SESN2: variants seen among roughly 807,000 people sequenced by gnomAD.
SESN2 encodes sestrin 2.
SESN2 carries 42 observed loss-of-function variants against 56.0 expected under a neutral mutation model. The observed-to-expected ratio is 0.75, with a 90% CI of 0.59 to 0.97. The LOEUF (loss-of-function observed/expected upper bound fraction) is 0.97. Ranked by LOEUF, SESN2 falls within the 50% of genes least tolerant of loss-of-function variation. SESN2 has a pLI of 0.00. For synonymous variants in SESN2, 264 were observed against 267.1 expected (o/e 0.99, Z 0.11); for missense variants, 507 against 649.4 (o/e 0.78, Z 2.38).
At chr1:28,279,323 G>A (rs1648156333) in intron 9 of SESN2, 82 bp downstream of exon 9, 2 of 1,454,602 alleles carry the variant, frequency 1.4e-6, no homozygotes, top group Non-Finnish European at 1.9e-6. Context: ...CCCAGTGAGA[G>A]TCCCCAGACT....
intron 8 of SESN2, among the ~76,000 whole-genome samples, chr1:28,275,490 C>G (rs537344101): frequency 6.6e-6 from 1 of 152,334 alleles, no homozygotes; most frequent in African/African-American, 2.4e-5. Context: ...CGCAGTGGCT[C>G]ATGCCTGTAA....
chr1:28,271,637 G>A, intron 2 of SESN2, 37 bp from the exon 3 acceptor site: 1 of 1,557,534 alleles, frequency 6.4e-7, no homozygotes, highest in African/African-American at 1.4e-5. Flanking sequence ...AGTGGGGCAG[G>A]AGGGAAACCC....
rs1261352927 is a variant in SESN2, at chr1:28,268,689, GGAAGGAGAAGGAAGGAAGGAAGGAA to G, written c.91-486_91-462del. 4.6e-5 allele frequency among the ~76,000 whole-genome samples: 7 copies of G among 151,154 alleles called. No individual in the cohort carries two copies. The East Asian group carries it at 1.4e-3, about 29-fold the overall frequency. On this transcript the variant is annotated intron_variant, in intron 1 of 9. Transcript: ENST00000253063. Reference sequence around the variant, plus strand: ...TCAAAAAAAAAAAGAAGCAAAAGAAGGAAGGAGAAGGAAGGAAGGAAGGAAGAAGGAGGAGGAGGAGGAAGAAAGG... The same window carrying G: ...TCAAAAAAAAAAAGAAGCAAAAGAAGGAAGGAGGAGGAGGAGGAAGAAAGG...
rs527972167 is a variant in SESN2, at chr1:28,266,434, C to G, written c.91-2749C>G. Among the ~76,000 whole-genome samples, 5 of 152,158 alleles carry G rather than the reference C, an allele frequency of 3.3e-5. No individual in the cohort carries two copies. In the South Asian group the frequency reaches 1.0e-3, roughly 32 times the overall value. ...TATCTCATGAAATCCTCATCACTGG[C>G]CAGTGGAAGTAGTTACTGCTATCCC... On this transcript the variant is annotated intron_variant, in intron 1 of 9. Coordinates refer to ENST00000253063, the MANE Select transcript of SESN2 (RefSeq NM_031459.5).
At chr1:28,268,068 C>T (rs960289604) in intron 1 of SESN2, among the ~76,000 whole-genome samples, 7 of 152,000 alleles carry the variant, frequency 4.6e-5, no homozygotes, top group Non-Finnish European at 1.0e-4. Flanking sequence ...ATCTGGAAGC[C>T]CATGGGAGGG....
At chr1:28,267,013 C>T (rs1404481077) in intron 1 of SESN2, among the ~76,000 whole-genome samples, 1 of 152,204 alleles carries the variant, frequency 6.6e-6, no homozygotes, top group Admixed American at 6.5e-5. Flanking sequence ...CCTTCCCTAG[C>T]ACCCCTGATG....
chr1:28,273,574 A>T, intron 6 of SESN2, 66 bp downstream of exon 6: 3 of 1,385,652 alleles, frequency 2.2e-6, no homozygotes, highest in Non-Finnish European at 2.9e-6. Context: ...GGTGAGGAGG[A>T]GCCACCTCCT....
intron 8 of SESN2, among the ~76,000 whole-genome samples, chr1:28,275,851 C>T (rs1376353951): frequency 6.6e-6 from 1 of 151,912 alleles, no homozygotes; most frequent in Non-Finnish European, 1.5e-5. Flanking sequence ...ACCAGGAGTT[C>T]AAGACGAGCT....
intron 3 of SESN2, 96 bp from the exon 4 acceptor site, chr1:28,272,188 C>T: frequency 7.9e-7 from 1 of 1,271,424 alleles, no homozygotes; most frequent in South Asian, 1.3e-5. Context: ...TCTTGGGGAA[C>T]AGTGAGCCCT....
At chr1:28,267,470 C>T (rs1259611062) in intron 1 of SESN2, among the ~76,000 whole-genome samples, 1 of 152,050 alleles carries the variant, frequency 6.6e-6, no homozygotes, top group African/African-American at 2.4e-5. Context: ...GGGCTTTTGG[C>T]CATCTGAGAA....
intron 1 of SESN2, among the ~76,000 whole-genome samples, chr1:28,260,833 A>G (rs1480891095): frequency 6.6e-6 from 1 of 152,050 alleles, no homozygotes; most frequent in Non-Finnish European, 1.5e-5. Context: ...GATAATGGAC[A>G]TCTTATCATT....
intron 3 of SESN2, among the ~76,000 whole-genome samples, 199 bp from the exon 4 acceptor site, chr1:28,272,085 G>A (rs1427727901): frequency 6.6e-6 from 1 of 152,170 alleles, no homozygotes; most frequent in African/African-American, 2.4e-5. Context: ...GCTTGTGTTA[G>A]GTACAGATTG....
Position 28,272,451 on chromosome 1 carries a change from C to G in SESN2, c.522C>G (p.Thr174=). Residue 174 remains threonine (T), a synonymous_variant, in exon 4 of 10, where the codon ACC becomes ACG. Transcript: ENST00000253063. ...KLLAHRPWLI[T]KEHIQALLKT... ...TGGCGCATCGGCCATGGCTCATCAC[C>G]AAGGAACACATCCAGGTGCAGGGGG... 1 of 1,613,114 alleles carries G rather than the reference C, an allele frequency of 6.2e-7. No individual in the cohort carries two copies. Among genetic ancestry groups the G allele is most frequent in the Non-Finnish European group, 8.5e-7 (1 of 1,179,930 alleles).
chr1:28,276,930 G>C (rs1181334035), intron 8 of SESN2, among the ~76,000 whole-genome samples: 8 of 144,872 alleles, frequency 5.5e-5, no homozygotes, highest in African/African-American at 2.1e-4. Context: ...TTTTTGAGAC[G>C]GAGTCTCGCT....
At position 28,275,092 on chromosome 1, in the gene SESN2, CTTTT is replaced by C. The variant is rs1647984043; in HGVS notation, c.1211+79_1211+82del. 6.3e-6 allele frequency: 7 copies of C among 1,115,990 alleles called. No individual in the cohort carries two copies. The South Asian group carries it at 1.3e-4, about 21-fold the overall frequency. The allele number at this position is 1,115,990 out of a possible 1,614,324, so 69.1% of individuals were successfully genotyped here. ...CTGGGTTCACAGTTGTTTCCATTTT[CTTTT>C]TGTTTTTTTCTTTTCCTTTCTTCTT... On this transcript the variant is annotated intron_variant, in intron 8 of 9. Transcript: ENST00000253063.
chr1:28,272,844 G>A, intron 5 of SESN2, 51 bp downstream of exon 5: 1 of 1,025,350 alleles, frequency 9.8e-7, no homozygotes, highest in Non-Finnish European at 1.5e-6. Flanking sequence ...CATGACCTCT[G>A]GTCCTTAGGT....
intron 8 of SESN2, among the ~76,000 whole-genome samples, chr1:28,275,972 C>T (rs1463209163): frequency 6.6e-6 from 1 of 151,850 alleles, no homozygotes; most frequent in Non-Finnish European, 1.5e-5. Context: ...ATGGTGAAAC[C>T]CCATATCTAT....
chr1:28,263,853 C>G (rs1248805237), intron 1 of SESN2, among the ~76,000 whole-genome samples: 2 of 152,020 alleles, frequency 1.3e-5, no homozygotes, highest in Non-Finnish European at 2.9e-5. Flanking sequence ...GCCGCCGCCC[C>G]AAAACAGATG....
chr1:28,266,701 A>G (rs1002993055), intron 1 of SESN2, among the ~76,000 whole-genome samples: 1 of 151,796 alleles, frequency 6.6e-6, no homozygotes, highest in Non-Finnish European at 1.5e-5. Flanking sequence ...CTGGGACTAC[A>G]GGTTGTGTGC....
Sources: gnomAD v4.1 joint callset for allele counts (sites outside exome capture counted in the v4.1 genomes callset) on GRCh38, gnomAD v4.1.1 for gene constraint, MANE v1.5 for transcripts, NCBI Gene and HGNC (gene_info 2026-07-23, HGNC 2026-07-21) for gene names.